The following RARB variants were observed in gnomAD, a reference collection of about 807,000 sequenced individuals.
The protein encoded by RARB is retinoic acid receptor beta.
Under a neutral mutation model 51.9 loss-of-function variants are expected in RARB, and 17 were observed. The observed-to-expected ratio is 0.33, with a 90% CI of 0.22 to 0.49. The LOEUF is 0.49. Ranked by LOEUF, RARB falls within the 20% of genes least tolerant of loss-of-function variation. RARB has a pLI of 0.99. For missense variants in RARB, 369 were observed against 550.8 expected (o/e 0.67, Z 3.30); for synonymous variants, 215 against 195.4 (o/e 1.10, Z -0.84).
intron 2 of RARB, among the ~76,000 whole-genome samples, chr3:25,027,513 T>G (rs745468449): frequency 6.6e-6 from 1 of 152,196 alleles, no homozygotes; most frequent in Non-Finnish European, 1.5e-5. Context: ...CTCTTCATTT[T>G]TCTGTCTGTA....
chr3:25,508,116 AT>A (rs983580078), intron 3 of RARB, among the ~76,000 whole-genome samples: 6 of 152,102 alleles, frequency 3.9e-5, no homozygotes, highest in Non-Finnish European at 8.8e-5. Flanking sequence ...ATTTCACAGC[AT>A]TTTTTTCCTA....
intron 1 of RARB, among the ~76,000 whole-genome samples, chr3:24,855,128 G>C (rs1466144799): frequency 3.9e-5 from 6 of 152,214 alleles, no homozygotes; most frequent in Admixed American, 3.9e-4. Context: ...ATTTCAGAAG[G>C]ACTGGGAAGA....
At chr3:25,559,896 T>C (rs1259285042) in intron 3 of RARB, among the ~76,000 whole-genome samples, 1 of 152,162 alleles carries the variant, frequency 6.6e-6, no homozygotes, top group Non-Finnish European at 1.5e-5. Flanking sequence ...GATGAATGAG[T>C]AGACAGAAGG....
intron 4 of RARB, among the ~76,000 whole-genome samples, chr3:25,159,878 C>G (rs577238093): frequency 6.6e-6 from 1 of 152,176 alleles, no homozygotes; most frequent in South Asian, 2.1e-4. Flanking sequence ...CCCCAAACAC[C>G]CACAAAGAGA....
At position 25,035,037 on chromosome 3, in the gene RARB, A is replaced by G. The variant is rs576447892; in HGVS notation, c.-379-25088A>G. ...GTGATATGATATTTCTAATAAGTAA[A>G]GAAATATTAATAGGTTAGGATCGTA... On this transcript the variant is annotated intron_variant, in intron 2 of 11. Transcript: ENST00000383772. 5.3e-5 allele frequency among the ~76,000 whole-genome samples: 8 copies of G among 152,334 alleles called. No homozygotes were observed. The South Asian group carries it at 1.7e-3, about 32-fold the overall frequency.
intron 2 of RARB, among the ~76,000 whole-genome samples, chr3:25,042,226 T>C (rs1698128647): frequency 6.6e-6 from 1 of 152,206 alleles, no homozygotes; most frequent in African/African-American, 2.4e-5. Context: ...ATTTTTAAAA[T>C]TTTGTATGGC....
chr3:25,059,409 C>T (rs950111760), intron 2 of RARB, among the ~76,000 whole-genome samples: 3 of 151,706 alleles, frequency 2.0e-5, no homozygotes, highest in African/African-American at 4.8e-5. Flanking sequence ...TATACACTTC[C>T]ACTAGCTGGA....
intron 3 of RARB, among the ~76,000 whole-genome samples, chr3:25,564,044 T>C (rs1700382884): frequency 6.6e-6 from 1 of 152,054 alleles, no homozygotes; most frequent in Non-Finnish European, 1.5e-5. Flanking sequence ...GCATGTTTCC[T>C]GCATTAAATT....
At chr3:25,434,829 C>T (rs1003180436) in intron 1 of RARB, among the ~76,000 whole-genome samples, 3 of 152,106 alleles carry the variant, frequency 2.0e-5, no homozygotes, top group East Asian at 1.9e-4. Flanking sequence ...CGTGAGCCAC[C>T]GAGCCCGGCC....
At chr3:25,485,742 G>C (rs939570506) in intron 2 of RARB, among the ~76,000 whole-genome samples, 3 of 151,986 alleles carry the variant, frequency 2.0e-5, no homozygotes, top group Non-Finnish European at 2.9e-5. Flanking sequence ...TTTTATTGGA[G>C]AAAGCAGATG....
At chr3:24,939,669 A>T (rs1695619017) in intron 2 of RARB, among the ~76,000 whole-genome samples, 1 of 152,152 alleles carries the variant, frequency 6.6e-6, no homozygotes, top group African/African-American at 2.4e-5. Flanking sequence ...TGTTCTGGTG[A>T]TGAGTTTTTA....
intron 2 of RARB, among the ~76,000 whole-genome samples, chr3:24,995,819 T>C (rs1161329355): frequency 1.3e-5 from 2 of 152,154 alleles, no homozygotes. Flanking sequence ...TCCTACTTGG[T>C]CACATTGCAC....
At chr3:24,957,273 G>A (rs551879345) in intron 2 of RARB, among the ~76,000 whole-genome samples, 23 of 152,264 alleles carry the variant, frequency 1.5e-4, no homozygotes, top group Admixed American at 9.8e-4. Context: ...CTGTTCTCAG[G>A]ATACTGTGAG....
chr3:25,176,436 G>A (rs768302074), intron 5 of RARB, among the ~76,000 whole-genome samples: 12 of 144,902 alleles, frequency 8.3e-5, no homozygotes, highest in South Asian at 2.3e-4. Flanking sequence ...TCGCTCTGTC[G>A]CCGGGCCAGA....
At chr3:25,385,675 G>C (rs1408376346) in intron 5 of RARB, among the ~76,000 whole-genome samples, 1 of 152,078 alleles carries the variant, frequency 6.6e-6, no homozygotes, top group Non-Finnish European at 1.5e-5. Context: ...GTTTGCCACT[G>C]AGGTTTTCTG....
In RARB at chr3:25,596,781, G is replaced by A; in HGVS notation, c.*165G>A. 1 of 480,014 alleles carries A rather than the reference G, an allele frequency of 2.1e-6. No homozygotes were observed. Among genetic ancestry groups the A allele is most frequent in the East Asian group, 3.4e-5 (1 of 29,732 alleles). 29.7% of individuals were successfully genotyped at this position (480,014 alleles called of 1,614,324 possible). ...TGTATCAATATATATACTCCTCACT[G>A]TGTAACTTACCTAGAAATACAAACT... On this transcript the variant is annotated 3_prime_UTR_variant, in exon 8 of 8. Coordinates refer to ENST00000330688, the MANE Select transcript of RARB (RefSeq NM_000965.5).
intron 4 of RARB, among the ~76,000 whole-genome samples, chr3:25,572,558 T>C (rs1033093549): frequency 6.6e-6 from 1 of 152,080 alleles, no homozygotes; most frequent in African/African-American, 2.4e-5. Context: ...TTAACCAGTA[T>C]ACTATACACA....
chr3:25,316,832 T>C (rs536470068), intron 5 of RARB, among the ~76,000 whole-genome samples: 1 of 152,296 alleles, frequency 6.6e-6, no homozygotes, highest in Admixed American at 6.5e-5. Flanking sequence ...CCGATGACTA[T>C]AAAGGACAGA....
At chr3:25,423,573 C>G (rs140724799), upstream of RARB, among the ~76,000 whole-genome samples, 1 of 152,292 alleles carries the variant, frequency 6.6e-6, no homozygotes, top group East Asian at 1.9e-4. Flanking sequence ...AGATGCCTGG[C>G]ACATGGTAGG....
Sources: allele counts gnomAD v4.1 joint callset (sites outside exome capture counted in the v4.1 genomes callset), GRCh38; gene constraint gnomAD v4.1.1; transcripts MANE v1.5; gene names NCBI Gene and HGNC (gene_info 2026-07-23, HGNC 2026-07-21).